The following FRMPD4 variants were observed in gnomAD, a reference collection of about 807,000 sequenced individuals.
FRMPD4 encodes FERM and PDZ domain-containing protein 4.
Under a neutral mutation model 94.1 loss-of-function variants are expected in FRMPD4, and 22 were observed. That is an observed-to-expected ratio of 0.23 (90% CI 0.17 to 0.33). The LOEUF (loss-of-function observed/expected upper bound fraction) is 0.33. Among genes scored for constraint, FRMPD4 ranks in the 10% least tolerant of loss-of-function variants. FRMPD4 has a pLI of 1.00. For synonymous variants in FRMPD4, 631 were observed against 548.6 expected (o/e 1.15, Z -2.10); for missense variants, 1,111 against 1,339.9 (o/e 0.83, Z 2.67).
At chrX:12,230,941 TA>T (rs2056981118) in intron 1 of FRMPD4, among the ~76,000 whole-genome samples, 2 of 77,238 alleles carry the variant, frequency 2.6e-5, no homozygotes, top group African/African-American at 5.2e-5. Flanking sequence ...ATATACTATA[TA>T]TAGTAATATA....
chrX:12,417,118 C>G (rs918384560), intron 1 of FRMPD4, among the ~76,000 whole-genome samples: 58 of 111,225 alleles, frequency 5.2e-4, no homozygotes, highest in African/African-American at 1.9e-3. Context: ...TCAGTCGATT[C>G]ATTTATCTCT....
At chrX:11,824,054 T>C (rs961859160) in intron 1 of FRMPD4, among the ~76,000 whole-genome samples, 2 of 111,991 alleles carry the variant, frequency 1.8e-5, no homozygotes, top group Admixed American at 1.9e-4. Context: ...AGGTATGTCT[T>C]AAAAACTTTC....
At chrX:12,051,999 T>A (rs1296604313) in intron 3 of FRMPD4, among the ~76,000 whole-genome samples, 2 of 112,283 alleles carry the variant, frequency 1.8e-5, no homozygotes, top group Admixed American at 9.4e-5. Flanking sequence ...GTAGAGATTA[T>A]AAAATATTTA....
At chrX:12,296,846 C>A (rs951093755) in intron 1 of FRMPD4, among the ~76,000 whole-genome samples, 4 of 112,116 alleles carry the variant, frequency 3.6e-5, no homozygotes, top group African/African-American at 1.3e-4. Context: ...GGGAAAGGGA[C>A]ATATATAGCT....
intron 1 of FRMPD4, among the ~76,000 whole-genome samples, chrX:12,240,445 C>T (rs987275697): frequency 1.8e-5 from 2 of 111,998 alleles, no homozygotes; most frequent in Non-Finnish European, 3.8e-5. Context: ...ATATAGTGAA[C>T]AAGAGTCAAT....
chrX:12,478,004 G>A (rs2057625456), intron 1 of FRMPD4, among the ~76,000 whole-genome samples: 1 of 112,267 alleles, frequency 8.9e-6, no homozygotes, highest in Non-Finnish European at 1.9e-5. Context: ...ACCGCCTGTG[G>A]CAAGATAGGG....
At chrX:12,078,664 A>T (rs1257195190) in intron 3 of FRMPD4, among the ~76,000 whole-genome samples, 3 of 112,362 alleles carry the variant, frequency 2.7e-5, no homozygotes, top group Non-Finnish European at 3.8e-5. Flanking sequence ...ACTTAGAAAC[A>T]CAGTACTAAT....
At chrX:11,835,961 C>T (rs2053499074) in intron 1 of FRMPD4, among the ~76,000 whole-genome samples, 2 of 111,904 alleles carry the variant, frequency 1.8e-5, no homozygotes, top group African/African-American at 6.5e-5. Context: ...TGTGGCAGGT[C>T]GTTGTGCCTA....
intron 1 of FRMPD4, among the ~76,000 whole-genome samples, chrX:12,187,729 A>G (rs1184553393): frequency 1.8e-5 from 2 of 111,723 alleles, no homozygotes. Context: ...ATATATGTCT[A>G]TGTACCTACA....
intron 4 of FRMPD4, among the ~76,000 whole-genome samples, chrX:12,631,564 G>A (rs756772287): frequency 1.2e-3 from 133 of 109,854 alleles, no homozygotes; most frequent in Non-Finnish European, 2.3e-3. Context: ...CCCACAACAG[G>A]CCCCGGTGTG....
At chrX:12,424,287 C>T (rs778537332) in intron 1 of FRMPD4, among the ~76,000 whole-genome samples, 1 of 112,665 alleles carries the variant, frequency 8.9e-6, no homozygotes, top group South Asian at 3.6e-4. Flanking sequence ...GCAATGAAGG[C>T]TTTACTTAGT....
At chrX:11,850,579 C>G (rs1227437818) in intron 1 of FRMPD4, among the ~76,000 whole-genome samples, 1 of 112,167 alleles carries the variant, frequency 8.9e-6, no homozygotes, top group Non-Finnish European at 1.9e-5. Context: ...AACAGATAAA[C>G]AAGATATGGT....
At chrX:11,927,924 A>C (rs5935192) in intron 3 of FRMPD4, among the ~76,000 whole-genome samples, 39,956 of 110,935 alleles carry the variant, frequency 0.36, 5,638 homozygotes, top group East Asian at 0.82. Flanking sequence ...TAAACTAAAG[A>C]GCTTCTGCAC....
chrX:11,826,283 A>G (rs1472757918), intron 1 of FRMPD4, among the ~76,000 whole-genome samples: 1 of 111,828 alleles, frequency 8.9e-6, no homozygotes, highest in African/African-American at 3.3e-5. Flanking sequence ...TAAGGTGAGA[A>G]TTTCTATTTC....
intron 3 of FRMPD4, among the ~76,000 whole-genome samples, chrX:11,923,966 C>T (rs970099576): frequency 9.9e-5 from 11 of 111,607 alleles, no homozygotes; most frequent in African/African-American, 2.6e-4. Context: ...ATTCAGAATA[C>T]GGATAGGAAT....
chrX:12,443,621 T>G (rs1488066408), intron 1 of FRMPD4, among the ~76,000 whole-genome samples: 1 of 111,624 alleles, frequency 9.0e-6, no homozygotes, highest in Non-Finnish European at 1.9e-5. Flanking sequence ...GTAATAAGGC[T>G]ACATCTGAAG....
At chrX:12,344,488 G>A (rs180949712) in intron 1 of FRMPD4, among the ~76,000 whole-genome samples, 75 of 110,945 alleles carry the variant, frequency 6.8e-4, no homozygotes, top group East Asian at 2.3e-3. Flanking sequence ...CTCCCCACTC[G>A]CATCCCCATT....
In FRMPD4 at chrX:12,583,478, G is replaced by A. The variant is rs1442834538; in HGVS notation, c.159-26243G>A. The A allele has an allele frequency of 1.2e-5, 14 of 1,197,054 alleles. No individual in the cohort carries two copies. In the East Asian group the frequency reaches 3.9e-4, roughly 33 times the overall value. On this transcript the variant is annotated intron_variant, in intron 2 of 16. Coordinates refer to ENST00000675598, the MANE Select transcript of FRMPD4 (RefSeq NM_001368397.1). ...ACCTCTGGATCTTTCAGGTCTTCGGGAACTTTCACCCACGGCAGAATATTT... is the reference window on the plus strand; with the variant it reads ...ACCTCTGGATCTTTCAGGTCTTCGGAAACTTTCACCCACGGCAGAATATTT...
rs35385075 is a variant in FRMPD4 at position 12,348,589 on chromosome X, GA to G, written c.42-150071del. Reference sequence around the variant, plus strand: ...CAAATGCTGAAGGAAATGCTTCCAGGAAAAAAAAAAAAAAAAAAAAGTGGAC... The same window carrying G: ...CAAATGCTGAAGGAAATGCTTCCAGGAAAAAAAAAAAAAAAAAAAGTGGAC... On this transcript the variant is annotated intron_variant, in intron 1 of 16. Transcript: ENST00000675598. Among the ~76,000 whole-genome samples the G allele has an allele frequency of 9.6e-3, 634 of 66,042 alleles. 3 individuals carry two copies. Among genetic ancestry groups the G allele is most frequent in the Middle Eastern group, 0.054 (6 of 112 alleles). 57.3% of individuals were successfully genotyped at this position (66,042 alleles called of 115,157 possible). A position where few individuals can be genotyped will look rare whatever the true frequency, so the allele number is the denominator to read the frequency against.
Sources: gnomAD v4.1 joint callset for allele counts (sites outside exome capture counted in the v4.1 genomes callset) on GRCh38, gnomAD v4.1.1 for gene constraint, MANE v1.5 for transcripts, NCBI Gene and HGNC (gene_info 2026-07-23, HGNC 2026-07-21) for gene names.